Variants in FGF2 observed in about 807,000 individuals in gnomAD.
FGF2 encodes fibroblast growth factor 2, also known as basic fibroblast growth factor bFGF.
FGF2 carries 13 observed loss-of-function variants against 15.9 expected under a neutral mutation model. That is an observed-to-expected ratio of 0.82 (90% confidence interval 0.53 to 1.30). The LOEUF is 1.30. Ranked by LOEUF, FGF2 falls within the 50% of genes most tolerant of loss-of-function variation. FGF2 has a pLI of 0.00. For synonymous variants in FGF2, 90 were observed against 78.4 expected (o/e 1.15, Z -0.78); for missense variants, 163 against 196.9 (o/e 0.83, Z 1.03).
intron 1 of FGF2, among the ~76,000 whole-genome samples, chr4:122,870,687 T>G: frequency 6.6e-6 from 1 of 152,218 alleles, no homozygotes; most frequent in Non-Finnish European, 1.5e-5. Flanking sequence ...TTTATCATTT[T>G]GTATTGTGTC....
intron 1 of FGF2, among the ~76,000 whole-genome samples, chr4:122,861,910 A>C (rs754693499): frequency 3.9e-5 from 6 of 151,960 alleles, no homozygotes; most frequent in African/African-American, 7.3e-5. Flanking sequence ...TAATTCTTTC[A>C]GTCTCCAATC....
intron 1 of FGF2, among the ~76,000 whole-genome samples, chr4:122,869,651 G>A (rs1726687350): frequency 1.3e-5 from 2 of 152,132 alleles, no homozygotes; most frequent in Admixed American, 1.3e-4. Context: ...TATTGTTGGT[G>A]TAAAGGAATG....
intron 2 of FGF2, among the ~76,000 whole-genome samples, chr4:122,876,756 T>C (rs192945280): frequency 3.0e-4 from 46 of 152,346 alleles, no homozygotes; most frequent in East Asian, 2.9e-3. Flanking sequence ...TTGAAGATCA[T>C]TGGGAATAAA....
intron 2 of FGF2, among the ~76,000 whole-genome samples, chr4:122,886,015 C>T (rs1314449588): frequency 6.9e-6 from 1 of 144,926 alleles, no homozygotes; most frequent in Non-Finnish European, 1.5e-5. Context: ...AATTCTTGGG[C>T]TCAAGCGATC....
In FGF2 at chr4:122,893,844, T is replaced by C. The variant is rs1019496601; in HGVS notation, c.*1448T>C. On this transcript the variant is annotated 3_prime_UTR_variant, in exon 3 of 3. Coordinates refer to ENST00000644866, the MANE Select transcript of FGF2 (RefSeq NM_001361665.2). ...CTGGGCTTTCTCTAATTTTGTGATGTTCTGTCATTGTCTCCCAAAGTATTT... is the reference window on the plus strand; with the variant it reads ...CTGGGCTTTCTCTAATTTTGTGATGCTCTGTCATTGTCTCCCAAAGTATTT... The C allele has an allele frequency of 2.6e-5, 4 of 152,222 alleles. No homozygotes were observed. The highest frequency in any genetic ancestry group is 9.6e-5 in the African/African-American group (4 of 41,462). 9.4% of individuals were successfully genotyped at this position (152,222 alleles called of 1,614,324 possible). A position where few individuals can be genotyped will look rare whatever the true frequency, so the allele number is the denominator to read the frequency against.
chr4:122,893,397 T>C lies in FGF2; in HGVS notation c.*1001T>C. On this transcript the variant is annotated 3_prime_UTR_variant, in exon 3 of 3. Coordinates refer to ENST00000644866, the MANE Select transcript of FGF2 (RefSeq NM_001361665.2). The stretch of plus-strand genomic sequence containing the variant: ...GTGGATATCAAGAAATCCCAAAATA[T>C]TTTCTTACCACTGTAAATTCAAGAA... The C allele has an allele frequency of 1.8e-6, 1 of 543,778 alleles. No individual in the cohort carries two copies. The highest frequency in any genetic ancestry group is 3.2e-5 in the East Asian group (1 of 31,562). 33.7% of individuals were successfully genotyped at this position (543,778 alleles called of 1,614,324 possible). A position where few individuals can be genotyped will look rare whatever the true frequency, so the allele number is the denominator to read the frequency against.
At position 122,896,882 on chromosome 4, in the gene FGF2, G is replaced by A. The variant is rs1459758270; in HGVS notation, c.*4486G>A. 6.6e-6 allele frequency: 1 copy of A among 151,918 alleles called. No homozygotes were observed. The highest frequency in any genetic ancestry group is 1.5e-5 in the Non-Finnish European group (1 of 67,984). The allele number at this position is 151,918 out of a possible 1,614,324, so 9.4% of individuals were successfully genotyped here. A position where few individuals can be genotyped will look rare whatever the true frequency, so the allele number is the denominator to read the frequency against. On this transcript the variant is annotated 3_prime_UTR_variant, in exon 3 of 3. Coordinates refer to ENST00000644866, the MANE Select transcript of FGF2 (RefSeq NM_001361665.2). ...GAAAAGGTCATGGAGAAATAATATT[G>A]GTATCAAACAAATACATTGATTTGT...
Position 122,893,230 on chromosome 4 carries a change from G to T in FGF2, c.*834G>T, listed in dbSNP as rs45625032. ...CTTCTCGAACCGCTGTGTCTCCTAC[G>T]TAAAAAAAGAGATGTACAAATCAAT... On this transcript the variant is annotated 3_prime_UTR_variant, in exon 3 of 3. Coordinates refer to ENST00000644866, the MANE Select transcript of FGF2 (RefSeq NM_001361665.2). 12,870 of 1,582,192 alleles carry T rather than the reference G, an allele frequency of 8.1e-3. 821 individuals are homozygous for T. The African/African-American group carries it at 0.14, about 18-fold the overall frequency.
chr4:122,827,041 C>G lies in FGF2; in HGVS notation c.-134C>G, dbSNP rs1395225787. On this transcript the variant is annotated 5_prime_UTR_variant, in exon 1 of 3. Transcript: ENST00000644866. This position sits in a 1 kb window ranked among gnomAD's most constrained non-coding sequence, Gnocchi z 4.2. Reference sequence around the variant, plus strand: ...GACCGCGGGCGCGGCCGCGCGCTGCCGGGCGGGAGGCTGGGGGGCCGGGGC... The same window carrying G: ...GACCGCGGGCGCGGCCGCGCGCTGCGGGGCGGGAGGCTGGGGGGCCGGGGC... 3 of 1,145,364 alleles carry G rather than the reference C, an allele frequency of 2.6e-6. No homozygotes were observed. Among genetic ancestry groups the G allele is most frequent in the African/African-American group, 1.7e-5 (1 of 60,450 alleles). 71.0% of individuals were successfully genotyped at this position (1,145,364 alleles called of 1,614,324 possible).
intron 1 of FGF2, among the ~76,000 whole-genome samples, chr4:122,842,308 CA>C (rs1320737331): frequency 6.6e-6 from 1 of 152,172 alleles, no homozygotes; most frequent in Admixed American, 6.5e-5. Flanking sequence ...AAAATAGATG[CA>C]AAATGCTAGG....
chr4:122,861,071 G>A (rs1726454355), intron 1 of FGF2, among the ~76,000 whole-genome samples: 1 of 152,094 alleles, frequency 6.6e-6, no homozygotes, highest in Non-Finnish European at 1.5e-5. Flanking sequence ...GGCTCTTCTT[G>A]CTCTACATCC....
intron 1 of FGF2, among the ~76,000 whole-genome samples, chr4:122,849,854 C>A (rs1726192624): frequency 6.6e-6 from 1 of 152,128 alleles, no homozygotes; most frequent in Non-Finnish European, 1.5e-5. Context: ...TTGCTGAGGG[C>A]CCACTTGAGG....
chr4:122,876,303 T>A lies in FGF2; in HGVS notation c.179-18T>A, dbSNP rs60255589. 3.2e-5 allele frequency: 47 copies of A among 1,468,568 alleles called. No individual in the cohort carries two copies. In the African/African-American group the frequency reaches 6.2e-4, roughly 20 times the overall value. The allele number at this position is 1,468,568 out of a possible 1,614,324, so 91.0% of individuals were successfully genotyped here. A position where few individuals can be genotyped will look rare whatever the true frequency, so the allele number is the denominator to read the frequency against. On this transcript the variant is annotated intron_variant, in intron 1 of 2. Coordinates refer to ENST00000644866, the MANE Select transcript of FGF2 (RefSeq NM_001361665.2). Reference sequence around the variant, plus strand: ...TTCCTCTGTGGTGCTACAAAGATAATTTTTTTTCCCGTTACAGTCAAGCTA... The same window carrying A: ...TTCCTCTGTGGTGCTACAAAGATAAATTTTTTTCCCGTTACAGTCAAGCTA...
At chr4:122,890,871 A>G (rs1212325684) in intron 2 of FGF2, among the ~76,000 whole-genome samples, 1 of 152,224 alleles carries the variant, frequency 6.6e-6, no homozygotes, top group African/African-American at 2.4e-5. Context: ...TGTGTTTTCT[A>G]TATAAGTTTA....
chr4:122,842,397 A>G lies in FGF2; in HGVS notation c.178+15045A>G, dbSNP rs541787331. On this transcript the variant is annotated intron_variant, in intron 1 of 2. Coordinates refer to ENST00000644866, the MANE Select transcript of FGF2 (RefSeq NM_001361665.2). The stretch of plus-strand genomic sequence containing the variant: ...ATCTGTGGTCCAAAATGTTAAGGAC[A>G]GTATCACTAGAAACACTAAAATATG... Among the ~76,000 whole-genome samples the G allele has an allele frequency of 7.7e-4, 118 of 152,376 alleles. 1 individual carries two copies. Among genetic ancestry groups the G allele is most frequent in the Non-Finnish European group, 1.2e-3 (83 of 68,040 alleles).
chr4:122,885,462 A>G (rs1578479834), intron 2 of FGF2, among the ~76,000 whole-genome samples: 1 of 152,344 alleles, frequency 6.6e-6, no homozygotes, highest in Non-Finnish European at 1.5e-5. Context: ...CATTATAGCT[A>G]GAGTTGCTGT....
chr4:122,841,564 T>G (rs1209490848), intron 1 of FGF2, among the ~76,000 whole-genome samples: 1 of 152,202 alleles, frequency 6.6e-6, no homozygotes, highest in Non-Finnish European at 1.5e-5. Context: ...TCACTTTTAA[T>G]AAACTGGAAT....
At chr4:122,852,317 A>G (rs1726251436) in intron 1 of FGF2, among the ~76,000 whole-genome samples, 1 of 152,210 alleles carries the variant, frequency 6.6e-6, no homozygotes. Flanking sequence ...TCCTAATGAT[A>G]TCTTTCTCCA....
At chr4:122,847,113 A>G (rs1726128473) in intron 1 of FGF2, among the ~76,000 whole-genome samples, 2 of 152,378 alleles carry the variant, frequency 1.3e-5, no homozygotes, top group African/African-American at 2.4e-5. Flanking sequence ...CCTTCAGGAA[A>G]TGATACTTAA....
Sources: allele counts gnomAD v4.1 joint callset (sites outside exome capture counted in the v4.1 genomes callset), GRCh38; gene constraint gnomAD v4.1.1; non-coding constraint Gnocchi (gnomAD v3.1); transcripts MANE v1.5; gene names NCBI Gene and HGNC (gene_info 2026-07-23, HGNC 2026-07-21).